Variants in TTLL11 observed in about 807,000 individuals in gnomAD.
TTLL11 encodes the protein tubulin tyrosine ligase like 11.
In TTLL11, 42 loss-of-function variants were observed where a neutral mutation model predicts 51.7. That is an observed-to-expected ratio of 0.81 (90% CI 0.64 to 1.05). The LOEUF is 1.05. Among genes scored for constraint, TTLL11 ranks in the 50% least tolerant of loss-of-function variants. The pLI is 0.00. For synonymous variants in TTLL11, 381 were observed against 383.5 expected (o/e 0.99, Z 0.08); for missense variants, 799 against 940.4 (o/e 0.85, Z 1.97).
At chr9:121,928,544 G>A (rs1247661079) in intron 6 of TTLL11, among the ~76,000 whole-genome samples, 2 of 151,292 alleles carry the variant, frequency 1.3e-5, no homozygotes, top group African/African-American at 2.4e-5. Flanking sequence ...GGGTTCAAGC[G>A]ATTCCCCTGC....
intron 3 of TTLL11, among the ~76,000 whole-genome samples, chr9:122,018,062 T>A (rs1844042910): frequency 6.6e-6 from 1 of 151,650 alleles, no homozygotes; most frequent in Non-Finnish European, 1.5e-5. Context: ...ATTTTTACTA[T>A]CAATGCATTG....
intron 8 of TTLL11, among the ~76,000 whole-genome samples, chr9:121,850,444 C>A (rs114462680): frequency 0.012 from 1,871 of 152,156 alleles, 27 homozygotes; most frequent in African/African-American, 0.042. Flanking sequence ...AGGGGAGGAC[C>A]TGGTGTAAGT....
chr9:122,065,947 C>A (rs1046066701), intron 1 of TTLL11, among the ~76,000 whole-genome samples: 61 of 152,212 alleles, frequency 4.0e-4, no homozygotes, highest in African/African-American at 1.3e-3. Flanking sequence ...TGATTCTAAG[C>A]TATATTGCAG....
At position 122,013,840 on chromosome 9, in the gene TTLL11, A is replaced by G. The variant is rs147718659; in HGVS notation, c.693+17883T>C. Among the ~76,000 whole-genome samples, 311 of 152,340 alleles carry G rather than the reference A, an allele frequency of 2.0e-3. 2 individuals carry two copies. Among genetic ancestry groups the G allele is most frequent in the African/African-American group, 6.9e-3 (288 of 41,574 alleles). Reference sequence around the variant, plus strand: ...ATTACATAAAGCCCTTTGTGCTCCAACTGAAACCCTGGCAGCAGAAACTTG... The same window carrying G: ...ATTACATAAAGCCCTTTGTGCTCCAGCTGAAACCCTGGCAGCAGAAACTTG... On this transcript the variant is annotated intron_variant, in intron 3 of 8. Coordinates refer to ENST00000321582, the MANE Select transcript of TTLL11 (RefSeq NM_001139442.2).
At chr9:122,043,460 C>A (rs913868169) in intron 1 of TTLL11, among the ~76,000 whole-genome samples, 1 of 152,116 alleles carries the variant, frequency 6.6e-6, no homozygotes, top group African/African-American at 2.4e-5. Flanking sequence ...GAAGTTGGAC[C>A]TTTACCTTAT....
At chr9:121,932,931 A>G (rs1488072581) in intron 6 of TTLL11, among the ~76,000 whole-genome samples, 2 of 152,348 alleles carry the variant, frequency 1.3e-5, no homozygotes, top group East Asian at 3.9e-4. Context: ...TGAGCAGGAA[A>G]AAACCACAGA....
At chr9:121,983,057 C>T (rs1030065195) in intron 4 of TTLL11, among the ~76,000 whole-genome samples, 5 of 152,110 alleles carry the variant, frequency 3.3e-5, no homozygotes, top group Admixed American at 6.5e-5. Flanking sequence ...CATTCAAGTG[C>T]GAGGTGATGG....
intron 8 of TTLL11, among the ~76,000 whole-genome samples, chr9:121,837,065 C>A (rs924032041): frequency 6.6e-5 from 10 of 152,176 alleles, no homozygotes; most frequent in Admixed American, 1.3e-4. Context: ...TTTAACCATG[C>A]CTTGACGCTT....
At chr9:121,930,455 G>C (rs1840922582) in intron 6 of TTLL11, among the ~76,000 whole-genome samples, 1 of 152,238 alleles carries the variant, frequency 6.6e-6, no homozygotes, top group Non-Finnish European at 1.5e-5. Flanking sequence ...TACACAAATA[G>C]TGAAACCGTG....
chr9:122,048,361 TGC>T (rs1360032861), intron 1 of TTLL11, among the ~76,000 whole-genome samples: 4 of 152,126 alleles, frequency 2.6e-5, no homozygotes, highest in Non-Finnish European at 4.4e-5. Flanking sequence ...GAGTCAGAGT[TGC>T]GCTATGTTGC....
intron 6 of TTLL11, among the ~76,000 whole-genome samples, chr9:121,966,896 G>T (rs934028156): frequency 6.6e-6 from 1 of 152,136 alleles, no homozygotes; most frequent in Admixed American, 6.5e-5. Context: ...TGACTTATTT[G>T]TCACCATGAG....
intron 1 of TTLL11, among the ~76,000 whole-genome samples, chr9:122,087,273 G>A (rs538105225): frequency 9.4e-4 from 143 of 151,976 alleles, no homozygotes; most frequent in Non-Finnish European, 1.8e-3. Flanking sequence ...GCAGTGGTGC[G>A]ATTTCAGCTC....
At chr9:121,883,478 G>A (rs928536869) in intron 6 of TTLL11, among the ~76,000 whole-genome samples, 47 of 152,174 alleles carry the variant, frequency 3.1e-4, no homozygotes, top group African/African-American at 1.1e-3. Flanking sequence ...AGATTTCGCG[G>A]CCTCCTTCGA....
intron 6 of TTLL11, among the ~76,000 whole-genome samples, chr9:121,893,940 G>A (rs59423204): frequency 0.37 from 56,875 of 152,098 alleles, 10,720 homozygotes; most frequent in East Asian, 0.51. Flanking sequence ...CTGAAGAGCA[G>A]CTGCAGGATG....
rs1729363972 is a variant in TTLL11, at chr9:121,819,543, A to AG, written c.*3043dup. 1 of 152,628 alleles carries AG rather than the reference A, an allele frequency of 6.6e-6. No homozygotes were observed. The highest frequency in any genetic ancestry group is 1.5e-5 in the Non-Finnish European group (1 of 68,344). 9.5% of individuals were successfully genotyped at this position (152,628 alleles called of 1,614,324 possible). A position where few individuals can be genotyped will look rare whatever the true frequency, so the allele number is the denominator to read the frequency against. On this transcript the variant is annotated 3_prime_UTR_variant, in exon 9 of 9. Transcript: ENST00000321582. ...TGCCCAGCTCTCCAGGAACTCAGCC[A>AG]GCAGACTAGGGAGAGGACTGTGTGT...
chr9:121,885,526 G>C (rs906143488), intron 6 of TTLL11: 2 of 152,218 alleles, frequency 1.3e-5, no homozygotes, highest in Non-Finnish European at 2.9e-5. Flanking sequence ...ACCCTTTGAG[G>C]TTAGGATTCT....
In TTLL11 at chr9:121,853,322, C is replaced by T. The variant is rs1028295694; in HGVS notation, c.1840+7015G>A. Among the ~76,000 whole-genome samples, 4 of 152,108 alleles carry T rather than the reference C, an allele frequency of 2.6e-5. No individual in the cohort carries two copies. The highest frequency in any genetic ancestry group is 4.4e-5 in the Non-Finnish European group (3 of 68,026). ...CAGATGTCCAGGCCCTTTCACAGTA[C>T]TCAATGTGTGCTGTGGTCAAGGGCA... On this transcript the variant is annotated intron_variant, in intron 8 of 8. Transcript: ENST00000321582. This position sits in a 1 kb window ranked among gnomAD's most constrained non-coding sequence, Gnocchi z 5.6.
At chr9:121,897,331 C>CG (rs1159911665) in intron 6 of TTLL11, among the ~76,000 whole-genome samples, 4 of 152,128 alleles carry the variant, frequency 2.6e-5, no homozygotes, top group Non-Finnish European at 4.4e-5. Flanking sequence ...AGCTAGCACG[C>CG]GGTAGAACTG....
At chr9:121,844,486 C>A (rs1837456145) in intron 8 of TTLL11, among the ~76,000 whole-genome samples, 1 of 152,050 alleles carries the variant, frequency 6.6e-6, no homozygotes, top group Non-Finnish European at 1.5e-5. Context: ...ACAAGACCTG[C>A]TAAAAGGCAG....
Sources: allele counts gnomAD v4.1 joint callset (sites outside exome capture counted in the v4.1 genomes callset), GRCh38; gene constraint gnomAD v4.1.1; non-coding constraint Gnocchi (gnomAD v3.1); transcripts MANE v1.5; gene names NCBI Gene and HGNC (gene_info 2026-07-23, HGNC 2026-07-21).